Variants in SHISAL1 observed in about 807,000 individuals in gnomAD.
SHISAL1 encodes shisa like 1.
A neutral mutation model predicts 22.6 loss-of-function variants in SHISAL1; 9 were observed. The ratio of observed to expected loss-of-function variants is 0.40; its 90% confidence interval spans 0.24 to 0.70. The LOEUF is 0.70. Among genes scored for constraint, SHISAL1 ranks in the 30% least tolerant of loss-of-function variants. The pLI, the probability that SHISAL1 is intolerant of heterozygous loss-of-function variation, is 0.39. For synonymous variants in SHISAL1, 119 were observed against 115.4 expected, an observed-to-expected ratio of 1.03 and a Z score of -0.20; for missense variants, 246 against 270.6, an observed-to-expected ratio of 0.91 and a Z score of 0.64.
chr22:44,287,091 G>A (rs139785083), intron 3 of SHISAL1, among the ~76,000 whole-genome samples: 13 of 152,350 alleles, frequency 8.5e-5, no homozygotes, highest in Non-Finnish European at 1.8e-4. Context: ...GGGCCAGCCC[G>A]GAACCCGGAG....
intron 3 of SHISAL1, among the ~76,000 whole-genome samples, chr22:44,286,075 G>A (rs55785706): frequency 0.027 from 4,097 of 152,278 alleles, 195 homozygotes; most frequent in African/African-American, 0.094. Context: ...CCAGGACATG[G>A]CAGCCTCTTC....
intron 1 of SHISAL1, among the ~76,000 whole-genome samples, chr22:44,312,218 C>A (rs534190967): frequency 1.3e-5 from 2 of 152,304 alleles, no homozygotes; most frequent in East Asian, 3.9e-4. Flanking sequence ...TTCATTCATT[C>A]ATTCATCTAT....
At position 44,285,718 on chromosome 22, in the gene SHISAL1, C is replaced by A. The variant is rs973571029; in HGVS notation, c.309G>T (p.Trp103Cys). The A allele has an allele frequency of 6.2e-7, 1 of 1,613,580 alleles. No homozygotes were observed. The highest frequency in any genetic ancestry group is 1.3e-5 in the African/African-American group (1 of 74,934). Residue 103 changes from tryptophan (W) to cysteine (C), a missense_variant, in exon 4 of 5, where the codon TGG becomes TGT. Physicochemically the swap from Trp to Cys is radical, Grantham distance 215. Transcript: ENST00000381176. ...GCATCAACACGAAAAATCCATAGAT[C>A]CACACTCCCAACAAGGCGGTGTAAT... is the stretch of plus-strand genomic sequence containing the variant. ...HNNYTALLGV[W>C]IYGFFVLMLL...
chr22:44,309,262 G>A lies in SHISAL1; in HGVS notation c.-33+3489C>T, dbSNP rs940167749. 1.8e-4 allele frequency among the ~76,000 whole-genome samples: 28 copies of A among 152,194 alleles called. No homozygotes were observed. The East Asian group carries it at 3.9e-3, about 21-fold the overall frequency. ...TAAGGCTTACAGCCTGGGGGGAGGC[G>A]GTCACAGACAGTAGATTACGTAATG... is the stretch of plus-strand genomic sequence containing the variant. On this transcript the variant is annotated intron_variant, in intron 1 of 4. Transcript: ENST00000381176.
At chr22:44,274,673 C>T (rs748808457) in intron 4 of SHISAL1, among the ~76,000 whole-genome samples, 16 of 152,162 alleles carry the variant, frequency 1.1e-4, no homozygotes, top group Non-Finnish European at 2.4e-4. Context: ...GCAGGGTCAT[C>T]GCTGATTCAA....
chr22:44,258,888 G>A (rs1019343846), intron 4 of SHISAL1, among the ~76,000 whole-genome samples: 32 of 152,104 alleles, frequency 2.1e-4, no homozygotes, highest in Admixed American at 1.0e-3. Flanking sequence ...TGGAGTAGGC[G>A]TGGAGGGTTG....
At chr22:44,320,216 A>G in the SHISAL1 span, among the ~76,000 whole-genome samples, 1 of 152,216 alleles carries the variant, frequency 6.6e-6, no homozygotes, top group Non-Finnish European at 1.5e-5. Flanking sequence ...AGAGAGGGAC[A>G]GAAGGACCTC....
chr22:44,319,601 C>A, the SHISAL1 span, among the ~76,000 whole-genome samples: 1 of 152,228 alleles, frequency 6.6e-6, no homozygotes, highest in Admixed American at 6.5e-5. Flanking sequence ...GCAGACCCCG[C>A]CCCTGGGTGA....
intron 4 of SHISAL1, among the ~76,000 whole-genome samples, chr22:44,282,182 G>A (rs566786172): frequency 1.8e-4 from 27 of 152,250 alleles, no homozygotes; most frequent in African/African-American, 6.3e-4. Context: ...CTGGGGAGCC[G>A]AAGGCCTTGA....
the SHISAL1 span, among the ~76,000 whole-genome samples, chr22:44,325,853 G>A: frequency 3.3e-5 from 5 of 151,884 alleles, no homozygotes; most frequent in African/African-American, 1.2e-4. Flanking sequence ...TCCTCTTCCC[G>A]AAATGCCCCT....
upstream of SHISAL1, among the ~76,000 whole-genome samples, chr22:44,316,863 G>A (rs909229504): frequency 1.3e-5 from 2 of 152,216 alleles, no homozygotes; most frequent in African/African-American, 2.4e-5. Context: ...ATTATGGGGC[G>A]GGCAGGAGGG....
At chr22:44,266,611 G>C (rs2055166148) in intron 4 of SHISAL1, among the ~76,000 whole-genome samples, 1 of 151,502 alleles carries the variant, frequency 6.6e-6, no homozygotes, top group Admixed American at 6.6e-5. Flanking sequence ...GTGTGTGTTG[G>C]GGGGCCAGGG....
intron 1 of SHISAL1, among the ~76,000 whole-genome samples, chr22:44,311,159 C>T (rs545195515): frequency 5.1e-4 from 78 of 152,162 alleles, no homozygotes; most frequent in African/African-American, 1.8e-3. Context: ...GGGACAGGTC[C>T]CCCTAAGTCC....
rs1485373283 is a variant in SHISAL1 at position 44,246,296 on chromosome 22, A to C, written c.*3389T>G. 1 of 152,088 alleles carries C rather than the reference A, an allele frequency of 6.6e-6. No homozygotes were observed. The allele number at this position is 152,088 out of a possible 1,614,324, so 9.4% of individuals were successfully genotyped here. ...TCCCAGTGGGAAACAGTCCTTACAA[A>C]CGCGGTAGTTCTGCAAACAGCCTCG... On this transcript the variant is annotated 3_prime_UTR_variant, in exon 5 of 5. Transcript: ENST00000381176.
At chr22:44,299,412 C>T (rs572571579) in intron 2 of SHISAL1, among the ~76,000 whole-genome samples, 2 of 152,242 alleles carry the variant, frequency 1.3e-5, no homozygotes, top group African/African-American at 2.4e-5. Flanking sequence ...GAGTGTCTCA[C>T]CTTCCTCATT....
At chr22:44,284,857 C>G (rs1218775997) in intron 4 of SHISAL1, among the ~76,000 whole-genome samples, 6 of 139,156 alleles carry the variant, frequency 4.3e-5, no homozygotes, top group African/African-American at 1.7e-4. Context: ...GCAGCCACCC[C>G]ACAAGGCCAA....
chr22:44,258,219 T>A (rs2055097926), intron 4 of SHISAL1, among the ~76,000 whole-genome samples: 1 of 152,050 alleles, frequency 6.6e-6, no homozygotes, highest in Non-Finnish European at 1.5e-5. Context: ...GGCAGGAGAA[T>A]CACTCGAATC....
intron 1 of SHISAL1, among the ~76,000 whole-genome samples, chr22:44,304,658 A>G (rs7510668): frequency 0.18 from 27,546 of 152,110 alleles, 2,661 homozygotes; most frequent in Middle Eastern, 0.22. Flanking sequence ...CTGGGAGGAT[A>G]AGCCGAGGTC....
intron 4 of SHISAL1, among the ~76,000 whole-genome samples, chr22:44,251,014 A>C (rs750191814): frequency 2.0e-5 from 3 of 152,214 alleles, no homozygotes; most frequent in Admixed American, 6.5e-5. Context: ...CTGTGGGGCC[A>C]TCTCCTCTGC....
Sources: allele counts gnomAD v4.1 joint callset (sites outside exome capture counted in the v4.1 genomes callset), GRCh38; gene constraint gnomAD v4.1.1; transcripts MANE v1.5; gene names NCBI Gene and HGNC (gene_info 2026-07-23, HGNC 2026-07-21).